The following PARD3B variants were observed in gnomAD, a reference collection of about 807,000 sequenced individuals.
PARD3B encodes partitioning defective 3 homolog B.
Under a neutral mutation model 130.2 loss-of-function variants are expected in PARD3B, and 103 were observed. The observed-to-expected ratio is 0.79, with a 90% CI of 0.67 to 0.93. PARD3B has a LOEUF of 0.93. PARD3B is among the 40% of genes least tolerant of loss of function. The pLI is 0.00. For synonymous variants in PARD3B, 583 were observed against 553.2 expected, an observed-to-expected ratio of 1.05 and a Z score of -0.76; for missense variants, 1,609 against 1,499.2, an observed-to-expected ratio of 1.07 and a Z score of -1.21.
At chr2:205,061,685 A>G (rs968789918) in intron 4 of PARD3B, among the ~76,000 whole-genome samples, 6 of 152,070 alleles carry the variant, frequency 3.9e-5, no homozygotes, top group African/African-American at 1.4e-4. Flanking sequence ...TTTAATTTAC[A>G]GAAGGCACTT....
intron 3 of PARD3B, among the ~76,000 whole-genome samples, chr2:205,036,173 G>A (rs1170977044): frequency 7.0e-6 from 1 of 142,934 alleles, no homozygotes; most frequent in Non-Finnish European, 1.5e-5. Flanking sequence ...GTATATAGTG[G>A]ACTATATATA....
chr2:205,204,524 C>A (rs1436012749), intron 15 of PARD3B, among the ~76,000 whole-genome samples: 6 of 152,122 alleles, frequency 3.9e-5, no homozygotes, highest in Non-Finnish European at 8.8e-5. Context: ...AGTCTTTGCC[C>A]ATGCCTGTGA....
chr2:205,154,482 G>A (rs2033980016), intron 10 of PARD3B, among the ~76,000 whole-genome samples: 2 of 152,138 alleles, frequency 1.3e-5, no homozygotes, highest in South Asian at 4.1e-4. Context: ...GTGGAAGACA[G>A]TGTGGCGATT....
chr2:205,383,138 A>AGATCGATC (rs759620397), intron 18 of PARD3B, among the ~76,000 whole-genome samples: 84 of 138,542 alleles, frequency 6.1e-4, no homozygotes, highest in Middle Eastern at 3.7e-3. Flanking sequence ...ATAGATAGAT[A>AGATCGATC]GATCGATCTA....
At chr2:204,783,743 G>T (rs2041918856) in intron 2 of PARD3B, among the ~76,000 whole-genome samples, 1 of 152,046 alleles carries the variant, frequency 6.6e-6, no homozygotes, top group Non-Finnish European at 1.5e-5. Context: ...CAGTAGTAAG[G>T]GACAGAGTTG....
chr2:204,663,458 A>G (rs1468238043), intron 1 of PARD3B, among the ~76,000 whole-genome samples: 1 of 152,258 alleles, frequency 6.6e-6, no homozygotes, highest in East Asian at 1.9e-4. Flanking sequence ...ACCTAAACTC[A>G]TACCTATTGT....
intron 4 of PARD3B, among the ~76,000 whole-genome samples, chr2:205,076,696 A>G (rs2125500259): frequency 6.6e-6 from 1 of 152,286 alleles, no homozygotes; most frequent in East Asian, 1.9e-4. Flanking sequence ...CTGTGGATCT[A>G]GGTTGTACGC....
rs1363130243 is a variant in PARD3B at position 204,669,365 on chromosome 2, T to C, written c.121-16816T>C. Among the ~76,000 whole-genome samples the C allele has an allele frequency of 6.6e-6, 1 of 152,180 alleles. No individual in the cohort carries two copies. The highest frequency in any genetic ancestry group is 2.4e-5 in the African/African-American group (1 of 41,456). On this transcript the variant is annotated intron_variant, in intron 1 of 22. Transcript: ENST00000406610. This position sits in a 1 kb window ranked among gnomAD's most constrained non-coding sequence, Gnocchi z 4.3. ...CTATACAAAATTGGATAATTTGTTT[T>C]GCTATTGAATGTGATTATATCCACT...
intron 2 of PARD3B, among the ~76,000 whole-genome samples, chr2:204,786,975 A>G (rs2125464376): frequency 6.6e-6 from 1 of 152,184 alleles, no homozygotes; most frequent in East Asian, 1.9e-4. Context: ...GACGTATGGG[A>G]TGTCAATGTT....
intron 2 of PARD3B, among the ~76,000 whole-genome samples, chr2:204,944,285 A>C (rs1451598761): frequency 1.3e-5 from 2 of 152,244 alleles, no homozygotes; most frequent in African/African-American, 4.8e-5. Flanking sequence ...GAGACCTATA[A>C]GGCAGAGAGA....
chr2:205,169,249 A>C (rs1037475911), intron 11 of PARD3B, among the ~76,000 whole-genome samples: 1 of 152,128 alleles, frequency 6.6e-6, no homozygotes, highest in African/African-American at 2.4e-5. Flanking sequence ...TATTGCACCC[A>C]CAACTCTCTG....
At chr2:205,179,993 A>G (rs1201279926) in intron 13 of PARD3B, among the ~76,000 whole-genome samples, 1 of 152,104 alleles carries the variant, frequency 6.6e-6, no homozygotes. Flanking sequence ...GCCTCAGACA[A>G]CCACTGGGAG....
At chr2:205,422,649 T>G (rs1240728660) in intron 19 of PARD3B, among the ~76,000 whole-genome samples, 1 of 152,192 alleles carries the variant, frequency 6.6e-6, no homozygotes, top group Non-Finnish European at 1.5e-5. Flanking sequence ...TTCCCTTTTT[T>G]CCAACATTTT....
chr2:205,228,808 A>G (rs202245294), intron 15 of PARD3B, among the ~76,000 whole-genome samples: 7 of 137,396 alleles, frequency 5.1e-5, no homozygotes, highest in Admixed American at 4.2e-4. Flanking sequence ...TATTCTTTTT[A>G]TTCTCTGACT....
chr2:205,363,404 T>C (rs1021692279), intron 18 of PARD3B, among the ~76,000 whole-genome samples: 2 of 152,144 alleles, frequency 1.3e-5, no homozygotes, highest in African/African-American at 4.8e-5. Context: ...CACTAGGATC[T>C]ACCAAATAAA....
rs1183454374 is a variant in PARD3B at position 204,689,993 on chromosome 2, A to G, written c.222+3711A>G. On this transcript the variant is annotated intron_variant, in intron 2 of 22. Coordinates refer to ENST00000406610, the MANE Select transcript of PARD3B (RefSeq NM_001302769.2). The surrounding 1 kb of genome is among the most constrained non-coding windows in gnomAD (Gnocchi z 5.2). ...GTTGAGTATAACAAAACAGTTGAGT[A>G]TACAATTTATTTATAAATTAATTCA... Among the ~76,000 whole-genome samples, 1 of 152,212 alleles carries G rather than the reference A, an allele frequency of 6.6e-6. No homozygotes were observed. Among genetic ancestry groups the G allele is most frequent in the Admixed American group, 6.5e-5 (1 of 15,276 alleles).
At chr2:205,034,519 T>C (rs1162533279) in intron 3 of PARD3B, among the ~76,000 whole-genome samples, 2 of 152,208 alleles carry the variant, frequency 1.3e-5, no homozygotes, top group East Asian at 3.9e-4. Flanking sequence ...AGGCATTCGG[T>C]AAATATTTAA....
chr2:204,964,596 G>C (rs1691060990), intron 2 of PARD3B, among the ~76,000 whole-genome samples: 1 of 152,042 alleles, frequency 6.6e-6, no homozygotes, highest in African/African-American at 2.4e-5. Flanking sequence ...ACAAAAATGG[G>C]ATACCTATTT....
rs989700600 is a variant in PARD3B, at chr2:205,321,748, C to T, written c.2630+20047C>T. Among the ~76,000 whole-genome samples, 1 of 152,018 alleles carries T rather than the reference C, an allele frequency of 6.6e-6. No individual in the cohort carries two copies. Among genetic ancestry groups the T allele is most frequent in the Non-Finnish European group, 1.5e-5 (1 of 68,000 alleles). On this transcript the variant is annotated intron_variant, in intron 18 of 22. Transcript: ENST00000406610. The surrounding 1 kb of genome is among the most constrained non-coding windows in gnomAD (Gnocchi z 4.2). ...AAATATGATTACAAGTCAAGAAAACCATTTTTGTGGGGTTTATCACTATCT... is the reference window on the plus strand; with the variant it reads ...AAATATGATTACAAGTCAAGAAAACTATTTTTGTGGGGTTTATCACTATCT...
Sources: gnomAD v4.1 joint callset for allele counts (sites outside exome capture counted in the v4.1 genomes callset) on GRCh38, gnomAD v4.1.1 for gene constraint, Gnocchi (gnomAD v3.1) non-coding constraint, MANE v1.5 for transcripts, NCBI Gene and HGNC (gene_info 2026-07-23, HGNC 2026-07-21) for gene names.